Variants in EYA1 observed in about 807,000 individuals in gnomAD.
The protein encoded by EYA1 is protein phosphatase EYA1.
EYA1 carries 16 observed loss-of-function variants against 82.0 expected under a neutral mutation model. The ratio of observed to expected loss-of-function variants is 0.20; its 90% CI spans 0.13 to 0.30. EYA1 has a LOEUF of 0.30. EYA1 is among the 10% of genes least tolerant of loss of function. EYA1 has a pLI of 1.00. For synonymous variants in EYA1, 261 were observed against 264.4 expected (o/e 0.99, Z 0.12); for missense variants, 633 against 730.7 (o/e 0.87, Z 1.54).
intron 9 of EYA1, among the ~76,000 whole-genome samples, chr8:71,284,348 C>T (rs183262182): frequency 2.5e-4 from 38 of 152,342 alleles, no homozygotes; most frequent in Non-Finnish European, 4.4e-4. Context: ...TCTGCATATC[C>T]TCTCTAACTT....
chr8:71,233,798 A>G (rs1378559460), intron 12 of EYA1, among the ~76,000 whole-genome samples: 1 of 152,172 alleles, frequency 6.6e-6, no homozygotes, highest in African/African-American at 2.4e-5. Flanking sequence ...TTTACTTTTA[A>G]AAGTTAACTT....
intron 9 of EYA1, among the ~76,000 whole-genome samples, chr8:71,279,889 C>T (rs913479758): frequency 1.3e-5 from 2 of 152,100 alleles, no homozygotes; most frequent in South Asian, 2.1e-4. Flanking sequence ...GAGCAAGGCT[C>T]GGTAAATTTT....
At chr8:71,475,929 G>A (rs192491297) in intron 2 of EYA1, among the ~76,000 whole-genome samples, 10 of 152,146 alleles carry the variant, frequency 6.6e-5, no homozygotes, top group East Asian at 5.8e-4. Flanking sequence ...CTCCTTAAGC[G>A]TCCCAAGAGT....
At chr8:71,306,851 C>T (rs1820790871) in intron 7 of EYA1, among the ~76,000 whole-genome samples, 1 of 152,190 alleles carries the variant, frequency 6.6e-6, no homozygotes, top group Non-Finnish European at 1.5e-5. Context: ...CTCCCTTAGT[C>T]TTGTTTTCAT....
At chr8:71,262,314 C>T (rs1815225356) in intron 11 of EYA1, among the ~76,000 whole-genome samples, 1 of 152,196 alleles carries the variant, frequency 6.6e-6, no homozygotes, top group Admixed American at 6.5e-5. Context: ...TACTTTATCA[C>T]TATTTACCCT....
chr8:71,474,024 G>A (rs1363647334), intron 2 of EYA1, among the ~76,000 whole-genome samples: 1 of 151,914 alleles, frequency 6.6e-6, no homozygotes, highest in African/African-American at 2.4e-5. Flanking sequence ...ACAGGGAGGG[G>A]AACATCACAT....
At chr8:71,477,530 A>G (rs1437056036) in intron 2 of EYA1, among the ~76,000 whole-genome samples, 1 of 150,166 alleles carries the variant, frequency 6.7e-6, no homozygotes, top group Admixed American at 6.8e-5. Flanking sequence ...CTCCCTATGT[A>G]CTAGGATGAC....
At chr8:71,260,226 T>C (rs1814933009) in intron 11 of EYA1, among the ~76,000 whole-genome samples, 2 of 152,230 alleles carry the variant, frequency 1.3e-5, no homozygotes, top group South Asian at 4.1e-4. Context: ...ATATAAATTG[T>C]CTAATTTAAA....
intron 2 of EYA1, among the ~76,000 whole-genome samples, chr8:71,455,322 C>T (rs1807793631): frequency 6.6e-6 from 1 of 152,158 alleles, no homozygotes; most frequent in Admixed American, 6.5e-5. Flanking sequence ...CGAATTCTAC[C>T]AGAGGTACAA....
At chr8:71,379,924 T>A (rs1300533742) in intron 2 of EYA1, among the ~76,000 whole-genome samples, 1 of 152,190 alleles carries the variant, frequency 6.6e-6, no homozygotes, top group Non-Finnish European at 1.5e-5. Context: ...GATAGGGATG[T>A]ATCAGTCCTC....
At chr8:71,441,170 CTG>C (rs1247585175) in intron 2 of EYA1, among the ~76,000 whole-genome samples, 1 of 152,116 alleles carries the variant, frequency 6.6e-6, no homozygotes, top group African/African-American at 2.4e-5. Flanking sequence ...GACATGAACA[CTG>C]TATATATGCA....
intron 2 of EYA1, among the ~76,000 whole-genome samples, chr8:71,510,214 G>A (rs1012095372): frequency 6.6e-6 from 1 of 152,086 alleles, no homozygotes; most frequent in African/African-American, 2.4e-5. Context: ...AGAGACTCAT[G>A]GGTCAAATCT....
chr8:71,237,526 GACTACAGAAGAA>G (rs1248388949), intron 12 of EYA1, among the ~76,000 whole-genome samples: 1 of 151,444 alleles, frequency 6.6e-6, no homozygotes, highest in Non-Finnish European at 1.5e-5. Context: ...ATTTGTCTCT[GACTACAGAAGAA>G]ATAAGCATAT....
Position 71,356,495 on chromosome 8 carries a change from G to T in EYA1, c.-38C>A, listed in dbSNP as rs1826894070. On this transcript the variant is annotated 5_prime_UTR_variant, in exon 2 of 18. Transcript: ENST00000340726. ...TGAGGAAACAGCAACATCTGAACTGGCTTGAGATGTTTGCACCTGTGATCA... is the reference window on the plus strand; with the variant it reads ...TGAGGAAACAGCAACATCTGAACTGTCTTGAGATGTTTGCACCTGTGATCA... 1 of 1,581,132 alleles carries T rather than the reference G, an allele frequency of 6.3e-7. No homozygotes were observed. Among genetic ancestry groups the T allele is most frequent in the Non-Finnish European group, 8.6e-7 (1 of 1,162,474 alleles).
intron 12 of EYA1, among the ~76,000 whole-genome samples, chr8:71,241,190 CA>C (rs1242082726): frequency 1.3e-5 from 2 of 152,200 alleles, no homozygotes; most frequent in Admixed American, 6.5e-5. Flanking sequence ...TTTTATGGTA[CA>C]GAAAACATTT....
intron 3 of EYA1, among the ~76,000 whole-genome samples, chr8:71,336,322 C>G (rs1231195379): frequency 2.0e-5 from 3 of 152,178 alleles, no homozygotes; most frequent in Non-Finnish European, 4.4e-5. Flanking sequence ...GGTCTTAGGG[C>G]TCCTAGCCTA....
intron 2 of EYA1, among the ~76,000 whole-genome samples, chr8:71,472,811 A>ATG (rs1563647976): frequency 1.4e-5 from 2 of 147,852 alleles, no homozygotes; most frequent in East Asian, 4.0e-4. Context: ...ATATATATAT[A>ATG]TATCTGTCAG....
At chr8:71,435,111 C>G (rs557239310) in intron 2 of EYA1, among the ~76,000 whole-genome samples, 1 of 152,262 alleles carries the variant, frequency 6.6e-6, no homozygotes, top group Middle Eastern at 3.4e-3. Flanking sequence ...TATCCAACTC[C>G]TATCCATCAT....
At chr8:71,253,118 T>A (rs1205887664) in intron 11 of EYA1, among the ~76,000 whole-genome samples, 1 of 152,196 alleles carries the variant, frequency 6.6e-6, no homozygotes, top group Non-Finnish European at 1.5e-5. Context: ...TGACATAATA[T>A]TTTAGAAAGG....
Sources: allele counts gnomAD v4.1 joint callset (sites outside exome capture counted in the v4.1 genomes callset), GRCh38; gene constraint gnomAD v4.1.1; transcripts MANE v1.5; gene names NCBI Gene and HGNC (gene_info 2026-07-23, HGNC 2026-07-21).